Variants in MYOM1 observed in about 807,000 individuals in gnomAD.
MYOM1 encodes the protein myomesin 1, also known as myomesin-1.
A neutral mutation model predicts 205.3 loss-of-function variants in MYOM1; 164 were observed. That is an observed-to-expected ratio of 0.80 (90% CI 0.70 to 0.91). MYOM1 has a LOEUF of 0.91. Among genes scored for constraint, MYOM1 ranks in the 40% least tolerant of loss-of-function variants. The pLI is 0.00. For missense variants in MYOM1, 2,011 were observed against 2,127.3 expected (o/e 0.95, Z 1.08); for synonymous variants, 772 against 789.4 (o/e 0.98, Z 0.37).
chr18:3,159,726 C>T (rs1598732784), intron 10 of MYOM1, among the ~76,000 whole-genome samples: 2 of 152,030 alleles, frequency 1.3e-5, no homozygotes, highest in Non-Finnish European at 2.9e-5. Flanking sequence ...AGAAGGCCGA[C>T]ATAAAAAACC....
chr18:3,173,987 C>T lies in MYOM1; in HGVS notation c.1125G>A (p.Glu375=), dbSNP rs1060504723. ...CAGCGTGGAAGCGAGTCTCATCAAA[C>T]TCTCCCTTATACCCTAGAGAAGAAA... The part of the protein sequence containing the change: ...ASVVVKRYKG[E]FDETRFHAGA... The change falls in exon 8 of 38, where the codon GAG becomes GAA. Residue 375 remains glutamate, a synonymous_variant. Transcript: ENST00000356443. 1 of 1,613,366 alleles carries T rather than the reference C, an allele frequency of 6.2e-7. No individual in the cohort carries two copies. The highest frequency in any genetic ancestry group is 1.3e-5 in the African/African-American group (1 of 74,880).
chr18:3,189,227 T>A lies in MYOM1; in HGVS notation c.432-140A>T. 1 of 761,962 alleles carries A rather than the reference T, an allele frequency of 1.3e-6. No homozygotes were observed. Among genetic ancestry groups the A allele is most frequent in the Non-Finnish European group, 2.1e-6 (1 of 485,152 alleles). The allele number at this position is 761,962 out of a possible 1,614,324, so 47.2% of individuals were successfully genotyped here. Reference sequence around the variant, plus strand: ...ATCCGACATAGAAAAAGCAGGTGAATCAGAAGCTGACACTTCATGTACAGA... The same window carrying A: ...ATCCGACATAGAAAAAGCAGGTGAAACAGAAGCTGACACTTCATGTACAGA... On this transcript the variant is annotated intron_variant, in intron 3 of 37. Transcript: ENST00000356443. The surrounding 1 kb of genome is among the most constrained non-coding windows in gnomAD (Gnocchi z 4.8).
intron 20 of MYOM1, among the ~76,000 whole-genome samples, chr18:3,119,366 A>G (rs1238453303): frequency 6.6e-6 from 1 of 152,160 alleles, no homozygotes; most frequent in Non-Finnish European, 1.5e-5. Flanking sequence ...GGGAGGAGGG[A>G]GAAGGAGAGC....
At chr18:3,234,496 C>T in the MYOM1 span, among the ~76,000 whole-genome samples, 2 of 152,134 alleles carry the variant, frequency 1.3e-5, no homozygotes, top group African/African-American at 4.8e-5. Flanking sequence ...GTTAATTATC[C>T]ACCTCAGGAA....
chr18:3,141,378 A>C (rs1363688287), intron 14 of MYOM1, among the ~76,000 whole-genome samples: 2 of 152,212 alleles, frequency 1.3e-5, no homozygotes, highest in East Asian at 1.9e-4. Context: ...ATATCTGGGA[A>C]AGAACTTGCC....
At chr18:3,091,726 A>ATTAT (rs141197978) in intron 26 of MYOM1, among the ~76,000 whole-genome samples, 6,273 of 151,536 alleles carry the variant, frequency 0.041, 200 homozygotes, top group African/African-American at 0.086. Flanking sequence ...TCCAGATTAC[A>ATTAT]TTATTTATTT....
chr18:3,112,338 T>A lies in MYOM1; in HGVS notation c.3378A>T (p.Pro1126=), dbSNP rs755921088. ...RAINQAGVGK[P]SDLAGPVVAE... is the part of the protein sequence containing the mutation. ...CCACAACAGGGCCAGCAAGGTCAGA[T>A]GGCTTCCCAACTCCCGCCTGGTTTA... Residue 1126 remains proline, a synonymous_variant, in exon 22 of 38, where the codon CCA becomes CCT. Transcript: ENST00000356443. 1.2e-6 allele frequency: 2 copies of A among 1,613,032 alleles called. No homozygotes were observed. The highest frequency in any genetic ancestry group is 4.5e-5 in the East Asian group (2 of 44,852).
At chr18:3,069,184 C>T (rs1219593692) in intron 37 of MYOM1, among the ~76,000 whole-genome samples, 2 of 152,174 alleles carry the variant, frequency 1.3e-5, no homozygotes, top group African/African-American at 4.8e-5. Flanking sequence ...TTCTCCACAG[C>T]CTCCCCACCA....
intron 27 of MYOM1, 96 bp downstream of exon 27, chr18:3,090,562 T>A (rs987275788): frequency 6.7e-7 from 1 of 1,488,440 alleles, no homozygotes; most frequent in Admixed American, 2.0e-5. Context: ...AAGAAAAAAT[T>A]CCTACTACCT....
chr18:3,203,161 A>AGCTCTAAGTGTT (rs1567966794), intron 2 of MYOM1, among the ~76,000 whole-genome samples: 1 of 151,534 alleles, frequency 6.6e-6, no homozygotes, highest in African/African-American at 2.4e-5. Context: ...TTAGAGGGAC[A>AGCTCTAAGTGTT]TATATAGCTT....
At chr18:3,131,665 C>T (rs564258963) in intron 16 of MYOM1, among the ~76,000 whole-genome samples, 169 bp from the exon 17 acceptor site, 1 of 152,092 alleles carries the variant, frequency 6.6e-6, no homozygotes, top group South Asian at 2.1e-4. Flanking sequence ...TAGTCTTGAA[C>T]TCCTGGCCTC....
At chr18:3,164,210 A>G in intron 10 of MYOM1, 68 bp downstream of exon 10, 2 of 1,496,826 alleles carry the variant, frequency 1.3e-6, no homozygotes, top group Non-Finnish European at 1.8e-6. Context: ...ACTGTTTTGT[A>G]ATCAAAAACT....
At chr18:3,136,422 AATTTT>A (rs1013032112) in intron 14 of MYOM1, among the ~76,000 whole-genome samples, 9 of 151,852 alleles carry the variant, frequency 5.9e-5, no homozygotes, top group African/African-American at 2.2e-4. Context: ...AATTAAATTA[AATTTT>A]ATTTTATTTT....
chr18:3,149,743 C>T (rs775177103), intron 12 of MYOM1, among the ~76,000 whole-genome samples: 10 of 152,034 alleles, frequency 6.6e-5, no homozygotes, highest in Non-Finnish European at 8.8e-5. Flanking sequence ...ATGAATGATA[C>T]GGGTACAAAG....
rs1230270174 is a variant in MYOM1, at chr18:3,209,328, C to A, written c.290+5606G>T. ...CTCAGCCATGACCAGTAGATCCTCA[C>A]ATCTGGCCACTGCTCGCACATCCGC... On this transcript the variant is annotated intron_variant, in intron 2 of 37. Transcript: ENST00000356443. This position sits in a 1 kb window ranked among gnomAD's most constrained non-coding sequence, Gnocchi z 4.0. 1.3e-5 allele frequency among the ~76,000 whole-genome samples: 2 copies of A among 152,194 alleles called. No homozygotes were observed. Among genetic ancestry groups the A allele is most frequent in the Non-Finnish European group, 1.5e-5 (1 of 68,030 alleles).
rs56880961 is a variant in MYOM1 at position 3,127,305 on chromosome 18, A to ATATT, written c.2795-409_2795-408insAATA. Among the ~76,000 whole-genome samples, 324 of 47,564 alleles carry ATATT rather than the reference A, an allele frequency of 6.8e-3. 7 individuals carry two copies. Among genetic ancestry groups the ATATT allele is most frequent in the East Asian group, 0.015 (23 of 1,566 alleles). 31.2% of individuals were successfully genotyped at this position (47,564 alleles called of 152,430 possible). A position where few individuals can be genotyped will look rare whatever the true frequency, so the allele number is the denominator to read the frequency against. Reference sequence around the variant, plus strand: ...TCCATATATATATATATATATATATATTTTTTTTTTTTTTTTTTTTGAGCT... The same window carrying ATATT: ...TCCATATATATATATATATATATATATATTTTTTTTTTTTTTTTTTTTTTGAGCT... On this transcript the variant is annotated intron_variant, in intron 18 of 37. Coordinates refer to ENST00000356443, the MANE Select transcript of MYOM1 (RefSeq NM_003803.4).
intron 1 of MYOM1, among the ~76,000 whole-genome samples, chr18:3,217,546 A>C (rs2081284689): frequency 6.6e-6 from 1 of 152,200 alleles, no homozygotes; most frequent in Non-Finnish European, 1.5e-5. Context: ...ATGACTCTGG[A>C]GTGCAGGAGA....
intron 23 of MYOM1, among the ~76,000 whole-genome samples, chr18:3,101,219 G>T (rs1264572878): frequency 6.6e-6 from 1 of 152,156 alleles, no homozygotes; most frequent in Non-Finnish European, 1.5e-5. Flanking sequence ...AAAATTGCTA[G>T]TTTTTTCTTT....
At chr18:3,197,437 C>T (rs1177945675) in intron 2 of MYOM1, among the ~76,000 whole-genome samples, 1 of 151,894 alleles carries the variant, frequency 6.6e-6, no homozygotes, top group African/African-American at 2.4e-5. Context: ...CAAGTACTCT[C>T]AATTTAAAAA....
Sources: gnomAD v4.1 joint callset for allele counts (sites outside exome capture counted in the v4.1 genomes callset) on GRCh38, gnomAD v4.1.1 for gene constraint, Gnocchi (gnomAD v3.1) non-coding constraint, MANE v1.5 for transcripts, NCBI Gene and HGNC (gene_info 2026-07-23, HGNC 2026-07-21) for gene names.